The following CAMK1D variants were observed in gnomAD, a reference collection of about 807,000 sequenced individuals.
CAMK1D encodes the protein calcium/calmodulin-dependent protein kinase type 1D.
CAMK1D carries 9 observed loss-of-function variants against 47.7 expected under a neutral mutation model. The ratio of observed to expected loss-of-function variants is 0.19; its 90% CI spans 0.11 to 0.33. The LOEUF (loss-of-function observed/expected upper bound fraction) is 0.33, where lower values mean the gene tolerates loss of function less well. Ranked by LOEUF, CAMK1D falls within the 10% of genes least tolerant of loss-of-function variation. The pLI is 1.00. For missense variants in CAMK1D, 291 were observed against 488.7 expected, an observed-to-expected ratio of 0.60 and a Z score of 3.81; for synonymous variants, 184 against 184.9, an observed-to-expected ratio of 0.99 and a Z score of 0.04.
rs560964217 is a variant in CAMK1D, at chr10:12,664,455, C to T, written c.225-2281C>T. On this transcript the variant is annotated intron_variant, in intron 2 of 10. Coordinates refer to ENST00000619168, the MANE Select transcript of CAMK1D (RefSeq NM_153498.4). ...GTTAATAGGCTTTAATTCTCTATCC[C>T]GTGTATCAAAGGAGGGGAATGTAGT... 5.5e-4 allele frequency among the ~76,000 whole-genome samples: 84 copies of T among 152,226 alleles called. 2 individuals carry two copies. The South Asian group carries it at 0.016, about 28-fold the overall frequency.
At chr10:12,570,033 C>T (rs1837273662) in intron 2 of CAMK1D, among the ~76,000 whole-genome samples, 1 of 151,854 alleles carries the variant, frequency 6.6e-6, no homozygotes, top group South Asian at 2.1e-4. Context: ...AACCGCATCT[C>T]AACTAAAAAT....
intron 10 of CAMK1D, among the ~76,000 whole-genome samples, chr10:12,827,018 G>C (rs774120533): frequency 6.6e-6 from 1 of 152,236 alleles, no homozygotes; most frequent in African/African-American, 2.4e-5. Context: ...CACATCCTCT[G>C]GGGGAGGGCT....
chr10:12,421,968 C>T (rs1193692066), intron 1 of CAMK1D, among the ~76,000 whole-genome samples: 3 of 152,088 alleles, frequency 2.0e-5, no homozygotes, highest in Non-Finnish European at 4.4e-5. Flanking sequence ...AGGTGCCCAC[C>T]ACCATGCCTG....
At chr10:12,777,643 G>A (rs1398555773) in intron 5 of CAMK1D, among the ~76,000 whole-genome samples, 1 of 152,162 alleles carries the variant, frequency 6.6e-6, no homozygotes. Context: ...CAGAGTGCTG[G>A]GATTACAGGC....
At chr10:12,352,524 G>A (rs534491002) in intron 1 of CAMK1D, among the ~76,000 whole-genome samples, 7 of 151,862 alleles carry the variant, frequency 4.6e-5, no homozygotes, top group Admixed American at 3.3e-4. Context: ...CAGGAGAATC[G>A]CTTGAACTGG....
chr10:12,634,346 C>T (rs1301822036), intron 2 of CAMK1D, among the ~76,000 whole-genome samples: 1 of 152,112 alleles, frequency 6.6e-6, no homozygotes, highest in Admixed American at 6.5e-5. Context: ...GAGACACCTC[C>T]AAACACAGAT....
chr10:12,389,927 C>T (rs1838663026), intron 1 of CAMK1D, among the ~76,000 whole-genome samples: 1 of 151,944 alleles, frequency 6.6e-6, no homozygotes, highest in Admixed American at 6.6e-5. Flanking sequence ...CTCCTTGAGC[C>T]TCAAAGAGAA....
chr10:12,804,227 A>G (rs575291116), intron 6 of CAMK1D, among the ~76,000 whole-genome samples: 1 of 152,360 alleles, frequency 6.6e-6, no homozygotes, highest in Admixed American at 6.5e-5. Context: ...TGTTCAGTAC[A>G]ACTTCTTAAG....
At chr10:12,491,429 CA>C (rs1221136137) in intron 1 of CAMK1D, among the ~76,000 whole-genome samples, 16 of 151,640 alleles carry the variant, frequency 1.1e-4, no homozygotes, top group Admixed American at 2.6e-4. Context: ...CAGGGTCATT[CA>C]AAAAATATTT....
intron 6 of CAMK1D, among the ~76,000 whole-genome samples, chr10:12,811,361 C>A (rs940831478): frequency 6.6e-6 from 1 of 152,246 alleles, no homozygotes; most frequent in East Asian, 2.0e-4. Flanking sequence ...TAGATCACCT[C>A]CACACAAACC....
At chr10:12,404,678 A>G (rs192186781) in intron 1 of CAMK1D, among the ~76,000 whole-genome samples, 288 of 151,390 alleles carry the variant, frequency 1.9e-3, no homozygotes, top group African/African-American at 6.3e-3. Context: ...GTAATGACCA[A>G]GAAAACTGTG....
intron 1 of CAMK1D, among the ~76,000 whole-genome samples, chr10:12,455,291 T>C (rs1428257998): frequency 6.6e-6 from 1 of 152,174 alleles, no homozygotes; most frequent in Non-Finnish European, 1.5e-5. Flanking sequence ...CCTGCCACAG[T>C]GTCCCAAGTA....
At chr10:12,432,523 G>A (rs1458181671) in intron 1 of CAMK1D, among the ~76,000 whole-genome samples, 1 of 152,110 alleles carries the variant, frequency 6.6e-6, no homozygotes, top group South Asian at 2.1e-4. Context: ...GAATGGGCAA[G>A]TGAACAAATG....
At chr10:12,501,731 G>A (rs1301125490) in intron 1 of CAMK1D, among the ~76,000 whole-genome samples, 1 of 152,148 alleles carries the variant, frequency 6.6e-6, no homozygotes, top group African/African-American at 2.4e-5. Flanking sequence ...GTCTGTGGGC[G>A]GAGATCGAGG....
chr10:12,400,122 C>G (rs903434310), intron 1 of CAMK1D, among the ~76,000 whole-genome samples: 1 of 152,118 alleles, frequency 6.6e-6, no homozygotes, highest in East Asian at 1.9e-4. Flanking sequence ...CTGGATGTTA[C>G]GACTTTAGGA....
intron 1 of CAMK1D, among the ~76,000 whole-genome samples, chr10:12,400,882 C>T (rs769831506): frequency 2.0e-5 from 3 of 149,868 alleles, no homozygotes; most frequent in Admixed American, 6.8e-5. Context: ...TTTGGGAGGC[C>T]GAGGTGGGCA....
intron 1 of CAMK1D, among the ~76,000 whole-genome samples, chr10:12,467,940 C>A (rs1409592582): frequency 6.6e-6 from 1 of 152,208 alleles, no homozygotes; most frequent in African/African-American, 2.4e-5. Context: ...TACCCTTTAT[C>A]CAGTTTCACC....
chr10:12,570,254 G>A (rs1254869755), intron 2 of CAMK1D, among the ~76,000 whole-genome samples: 1 of 152,078 alleles, frequency 6.6e-6, no homozygotes, highest in Non-Finnish European at 1.5e-5. Context: ...GTTTAGATTT[G>A]TCATCTTTGA....
rs1205575548 is a variant in CAMK1D at position 12,627,586 on chromosome 10, T to C, written c.225-39150T>C. Among the ~76,000 whole-genome samples, 7 of 152,202 alleles carry C rather than the reference T, an allele frequency of 4.6e-5. 1 individual carries two copies. The South Asian group carries it at 1.2e-3, about 27-fold the overall frequency. ...CCTGTACAACCACTCATCTGATTTG[T>C]ATGGCCACATATTATTTTTGTCTGT... On this transcript the variant is annotated intron_variant, in intron 2 of 10. Transcript: ENST00000619168.
Sources: allele counts gnomAD v4.1 joint callset (sites outside exome capture counted in the v4.1 genomes callset), GRCh38; gene constraint gnomAD v4.1.1; transcripts MANE v1.5; gene names NCBI Gene and HGNC (gene_info 2026-07-23, HGNC 2026-07-21).